HSDL2: variants seen among roughly 807,000 people sequenced by gnomAD.
HSDL2 encodes hydroxysteroid dehydrogenase-like protein 2.
A neutral mutation model predicts 46.3 loss-of-function variants in HSDL2; 27 were observed. That is an observed-to-expected ratio of 0.58 (90% CI 0.43 to 0.80). HSDL2 has a LOEUF of 0.80. HSDL2 is among the 30% of genes least tolerant of loss of function. The probability of loss-of-function intolerance (pLI) is 0.00; values close to 1 mark genes in which losing one functional copy is unlikely to be tolerated. For synonymous variants in HSDL2, 153 were observed against 163.6 expected, an observed-to-expected ratio of 0.94 and a Z score of 0.50; for missense variants, 451 against 502.7, an observed-to-expected ratio of 0.90 and a Z score of 0.98.
At chr9:112,432,407 CTTTG>C (rs905211686) in intron 6 of HSDL2, among the ~76,000 whole-genome samples, 19 of 151,932 alleles carry the variant, frequency 1.3e-4, no homozygotes, top group South Asian at 1.0e-3. Flanking sequence ...ACAGTGTTTG[CTTTG>C]TTTGTTTTAT....
At chr9:112,395,656 A>G (rs1227760831) in intron 1 of HSDL2, among the ~76,000 whole-genome samples, 3 of 152,270 alleles carry the variant, frequency 2.0e-5, no homozygotes, top group Admixed American at 6.5e-5. Context: ...ATCAATAACT[A>G]TGAGAGGCCA....
intron 8 of HSDL2, among the ~76,000 whole-genome samples, chr9:112,443,695 A>C (rs1247289430): frequency 6.6e-6 from 1 of 152,180 alleles, no homozygotes; most frequent in African/African-American, 2.4e-5. Flanking sequence ...GAGCTACAGC[A>C]CTCCAGCCTG....
At chr9:112,438,824 G>C in intron 7 of HSDL2, 199 bp downstream of exon 7, 17 of 367,866 alleles carry the variant, frequency 4.6e-5, no homozygotes, top group Non-Finnish European at 6.5e-5. Context: ...TGAGTTGAGG[G>C]CTTTTGAAGT....
At chr9:112,454,760 C>T (rs1421560980) in intron 9 of HSDL2, among the ~76,000 whole-genome samples, 1 of 151,522 alleles carries the variant, frequency 6.6e-6, no homozygotes, top group African/African-American at 2.4e-5. Context: ...GGCTGGAGTG[C>T]AGTGGTGGGA....
At chr9:112,412,071 T>G (rs1487607000) in intron 4 of HSDL2, among the ~76,000 whole-genome samples, 1 of 152,196 alleles carries the variant, frequency 6.6e-6, no homozygotes, top group Non-Finnish European at 1.5e-5. Flanking sequence ...CAGAATGCTC[T>G]GAGATCTGAA....
chr9:112,411,323 C>T (rs1008674327), intron 4 of HSDL2, among the ~76,000 whole-genome samples: 11 of 152,146 alleles, frequency 7.2e-5, no homozygotes, highest in South Asian at 2.1e-4. Flanking sequence ...TCTATAAATT[C>T]GATATGTAAG....
intron 3 of HSDL2, among the ~76,000 whole-genome samples, chr9:112,406,719 C>A (rs1351783223): frequency 6.6e-6 from 1 of 152,230 alleles, no homozygotes; most frequent in African/African-American, 2.4e-5. Context: ...CCACCCAACT[C>A]AGCCTCCCAA....
chr9:112,432,949 T>G (rs1187689796), intron 6 of HSDL2, among the ~76,000 whole-genome samples: 2 of 151,902 alleles, frequency 1.3e-5, no homozygotes, highest in African/African-American at 4.8e-5. Flanking sequence ...TGTATTTTTT[T>G]TTTTAGTAGA....
chr9:112,465,702 G>A (rs546927599), intron 10 of HSDL2, among the ~76,000 whole-genome samples: 2 of 152,096 alleles, frequency 1.3e-5, no homozygotes, highest in Admixed American at 6.5e-5. Context: ...ATGTTTTTGA[G>A]GTTCATCCAA....
intron 1 of HSDL2, among the ~76,000 whole-genome samples, chr9:112,387,852 T>C (rs1831250623): frequency 6.6e-6 from 1 of 152,058 alleles, no homozygotes; most frequent in Admixed American, 6.6e-5. Flanking sequence ...TGAAGAAATA[T>C]CAGTTGAATC....
Position 112,470,900 on chromosome 9 carries a change from G to T in HSDL2, c.*356G>T, listed in dbSNP as rs41280177. On this transcript the variant is annotated 3_prime_UTR_variant, in exon 11 of 11. Transcript: ENST00000398805. ...AAATCTTCTTGTCATGTAAAATGAA[G>T]CTAGTCTGTTTTAAAATTTTTAGTT... 4.0e-3 allele frequency: 620 copies of T among 156,420 alleles called. 2 individuals carry two copies. The highest frequency in any genetic ancestry group is 6.9e-3 in the Non-Finnish European group (491 of 70,926). The allele number at this position is 156,420 out of a possible 1,614,324, so 9.7% of individuals were successfully genotyped here. A position where few individuals can be genotyped will look rare whatever the true frequency, so the allele number is the denominator to read the frequency against.
intron 1 of HSDL2, among the ~76,000 whole-genome samples, chr9:112,381,351 A>G (rs1350229169): frequency 1.3e-5 from 2 of 152,064 alleles, no homozygotes; most frequent in Non-Finnish European, 2.9e-5. Flanking sequence ...AGTACATGGC[A>G]GATCTTCCGC....
chr9:112,451,019 G>A (rs4316209), intron 8 of HSDL2, among the ~76,000 whole-genome samples: 145,318 of 152,054 alleles, frequency 0.96, 69,505 homozygotes, highest in African/African-American at 0.98. Flanking sequence ...TGGCCAACAT[G>A]GTGAAACCCC....
At chr9:112,447,191 T>G (rs773402838) in intron 8 of HSDL2, among the ~76,000 whole-genome samples, 2 of 152,216 alleles carry the variant, frequency 1.3e-5, no homozygotes, top group Non-Finnish European at 2.9e-5. Context: ...ATATGTCATC[T>G]TCTTTTGTGT....
At chr9:112,451,456 G>A (rs949821505) in intron 8 of HSDL2, among the ~76,000 whole-genome samples, 2 of 152,172 alleles carry the variant, frequency 1.3e-5, no homozygotes, top group African/African-American at 4.8e-5. Context: ...TCAAATTGTA[G>A]AATAAATATG....
intron 1 of HSDL2, among the ~76,000 whole-genome samples, chr9:112,389,416 T>C (rs368742965): frequency 7.9e-5 from 12 of 152,156 alleles, no homozygotes; most frequent in African/African-American, 2.7e-4. Context: ...ATCATTGGGG[T>C]AAAATATTAA....
In HSDL2 at chr9:112,411,363, A is replaced by T. The variant is rs187597887; in HGVS notation, c.395+2342A>T. On this transcript the variant is annotated intron_variant, in intron 4 of 10. Transcript: ENST00000398805. ...GTCTCTATTGAATGAAACCATATTGAATCCAACTGTAGTAAGAATTATGGC... is the reference window on the plus strand; with the variant it reads ...GTCTCTATTGAATGAAACCATATTGTATCCAACTGTAGTAAGAATTATGGC... 1.8e-4 allele frequency among the ~76,000 whole-genome samples: 27 copies of T among 152,294 alleles called. 1 individual carries two copies. The highest frequency in any genetic ancestry group is 1.7e-3 in the Admixed American group (26 of 15,300).
chr9:112,418,524 A>G (rs887464958), intron 5 of HSDL2, among the ~76,000 whole-genome samples: 1 of 150,964 alleles, frequency 6.6e-6, no homozygotes, highest in Non-Finnish European at 1.5e-5. Context: ...TAGAGGCTGC[A>G]GTGAATCGTA....
intron 1 of HSDL2, among the ~76,000 whole-genome samples, chr9:112,390,004 G>A (rs1831303244): frequency 6.6e-6 from 1 of 151,752 alleles, no homozygotes; most frequent in South Asian, 2.1e-4. Flanking sequence ...GGCTGAGGTT[G>A]CAGTGAGCCG....
Sources: allele counts gnomAD v4.1 joint callset (sites outside exome capture counted in the v4.1 genomes callset), GRCh38; gene constraint gnomAD v4.1.1; transcripts MANE v1.5; gene names NCBI Gene and HGNC (gene_info 2026-07-23, HGNC 2026-07-21).